The following RAB27B variants were observed in gnomAD, a reference collection of about 807,000 sequenced individuals.
RAB27B encodes the protein RAB27B, member RAS oncogene family.
Under a neutral mutation model 24.6 loss-of-function variants are expected in RAB27B, and 15 were observed. The ratio of observed to expected loss-of-function variants is 0.61; its 90% CI spans 0.41 to 0.94. RAB27B has a LOEUF of 0.94. Among genes scored for constraint, RAB27B ranks in the 40% least tolerant of loss-of-function variants. The pLI is 0.00. For missense variants in RAB27B, 261 were observed against 266.8 expected (o/e 0.98, Z 0.15); for synonymous variants, 105 against 92.5 (o/e 1.14, Z -0.78).
At chr18:54,878,122 G>C (rs989483379) in intron 2 of RAB27B, among the ~76,000 whole-genome samples, 7 of 152,150 alleles carry the variant, frequency 4.6e-5, no homozygotes, top group Admixed American at 6.6e-5. Flanking sequence ...TCTTAAGAAA[G>C]AAGTTAAAAG....
In RAB27B at chr18:54,853,921, CT is replaced by C. The variant is rs1911683371; in HGVS notation, c.-19-23642del. Among the ~76,000 whole-genome samples the C allele has an allele frequency of 2.0e-5, 3 of 152,202 alleles. No individual in the cohort carries two copies. In the South Asian group the frequency reaches 6.2e-4, roughly 32 times the overall value. On this transcript the variant is annotated intron_variant, in intron 1 of 5. Transcript: ENST00000262094. ...TTGTGTAGCTTTTTGCCTGTGGCTT[CT>C]TTTACATCTAGAATCCAGTAATGCC... is the stretch of plus-strand genomic sequence containing the variant.
chr18:54,777,321 G>C (rs900523742), intron 2 of RAB27B, among the ~76,000 whole-genome samples: 1 of 152,192 alleles, frequency 6.6e-6, no homozygotes, highest in Non-Finnish European at 1.5e-5. Flanking sequence ...AGAACTTGCA[G>C]TTCTCTTAGA....
chr18:54,838,615 T>C (rs1353514734), intron 1 of RAB27B, among the ~76,000 whole-genome samples: 1 of 152,162 alleles, frequency 6.6e-6, no homozygotes, highest in Non-Finnish European at 1.5e-5. Flanking sequence ...ATCCATCATT[T>C]GAGACATCTA....
chr18:54,807,401 G>T (rs1300235186), intron 2 of RAB27B, among the ~76,000 whole-genome samples: 1 of 152,086 alleles, frequency 6.6e-6, no homozygotes, highest in African/African-American at 2.4e-5. Flanking sequence ...TTTAGCAGTG[G>T]GCAGAAGTGT....
At chr18:54,869,157 C>T (rs1437199334) in intron 1 of RAB27B, among the ~76,000 whole-genome samples, 4 of 152,140 alleles carry the variant, frequency 2.6e-5, no homozygotes, top group Non-Finnish European at 5.9e-5. Flanking sequence ...TAGCTCTTTG[C>T]TTTCATGTTG....
intron 2 of RAB27B, among the ~76,000 whole-genome samples, chr18:54,728,902 C>CAAAAAAAA (rs1568044214): frequency 2.5e-4 from 10 of 40,592 alleles, no homozygotes; most frequent in Non-Finnish European, 5.4e-4. Flanking sequence ...AAAAAAAAAC[C>CAAAAAAAA]CAAAAAAAAA....
At chr18:54,882,530 A>G (rs887630366) in intron 3 of RAB27B, among the ~76,000 whole-genome samples, 33 of 152,200 alleles carry the variant, frequency 2.2e-4, no homozygotes, top group Non-Finnish European at 4.1e-4. Context: ...CAGTGTTGGG[A>G]AGGCCCCTTC....
rs180875409 is a variant in RAB27B at position 54,810,047 on chromosome 18, A to C, written c.-19-67520A>C. Among the ~76,000 whole-genome samples the C allele has an allele frequency of 5.9e-5, 9 of 152,314 alleles. No homozygotes were observed. In the East Asian group the frequency reaches 1.7e-3, roughly 29 times the overall value. On this transcript the variant is annotated intron_variant, in intron 2 of 4. Transcript: ENST00000586570. ...ACAATTGATCTGAAAATATTATTGA[A>C]AATATACCACATGAGAGCAAGTGAA...
chr18:54,753,604 A>G (rs1361921813), intron 2 of RAB27B, among the ~76,000 whole-genome samples: 3 of 152,214 alleles, frequency 2.0e-5, no homozygotes, highest in African/African-American at 4.8e-5. Context: ...GTGCAGTTCT[A>G]CGCATGATTT....
chr18:54,795,198 C>G (rs143008789), intron 2 of RAB27B, among the ~76,000 whole-genome samples: 1 of 152,298 alleles, frequency 6.6e-6, no homozygotes, highest in Non-Finnish European at 1.5e-5. Context: ...TGAAGTATAG[C>G]TTGAGCCCCC....
chr18:54,797,350 C>T (rs958887117), intron 2 of RAB27B, among the ~76,000 whole-genome samples: 2 of 152,058 alleles, frequency 1.3e-5, no homozygotes, highest in African/African-American at 2.4e-5. Flanking sequence ...CATGGTGATA[C>T]CCTATCTCTA....
intron 4 of RAB27B, 92 bp from the exon 5 acceptor site, chr18:54,887,902 TA>T: frequency 6.9e-7 from 1 of 1,452,898 alleles, no homozygotes; most frequent in South Asian, 1.4e-5. Flanking sequence ...AAACTGGAGA[TA>T]AGCAATTAGA....
intron 2 of RAB27B, among the ~76,000 whole-genome samples, chr18:54,778,876 C>G (rs988699824): frequency 1.3e-4 from 20 of 150,242 alleles, no homozygotes; most frequent in African/African-American, 4.9e-4. Context: ...GAGTCTTACT[C>G]TGTCACCAGG....
chr18:54,799,875 T>C (rs1255667613), intron 2 of RAB27B, among the ~76,000 whole-genome samples: 1 of 152,098 alleles, frequency 6.6e-6, no homozygotes, highest in Non-Finnish European at 1.5e-5. Flanking sequence ...CTTGATCTCC[T>C]GACCTTGTGA....
At chr18:54,824,890 A>G (rs1910424281), upstream of RAB27B, among the ~76,000 whole-genome samples, 3 of 151,442 alleles carry the variant, frequency 2.0e-5, no homozygotes, top group Non-Finnish European at 4.4e-5. Flanking sequence ...GGCCTGCTTC[A>G]CACTTATTGC....
chr18:54,762,551 A>C (rs1319170566), intron 2 of RAB27B, among the ~76,000 whole-genome samples: 1 of 152,194 alleles, frequency 6.6e-6, no homozygotes, highest in East Asian at 1.9e-4. Flanking sequence ...TAAGTTAGGC[A>C]ATCCAAAGCA....
At chr18:54,821,097 T>C (rs1471884655) in intron 2 of RAB27B, among the ~76,000 whole-genome samples, 1 of 152,118 alleles carries the variant, frequency 6.6e-6, no homozygotes, top group Non-Finnish European at 1.5e-5. Flanking sequence ...AGTCAAATTG[T>C]CCCTGTTTGC....
At chr18:54,822,044 T>C (rs1380712759) in intron 2 of RAB27B, among the ~76,000 whole-genome samples, 2 of 152,210 alleles carry the variant, frequency 1.3e-5, no homozygotes, top group Non-Finnish European at 2.9e-5. Flanking sequence ...TGGGCTACCA[T>C]GCCCAGTCAA....
At chr18:54,732,455 G>T (rs1378390982) in intron 2 of RAB27B, among the ~76,000 whole-genome samples, 3 of 152,130 alleles carry the variant, frequency 2.0e-5, no homozygotes, top group Non-Finnish European at 4.4e-5. Context: ...ATTCTAAGTG[G>T]TCAGGTGCAG....
Sources: gnomAD v4.1 joint callset for allele counts (sites outside exome capture counted in the v4.1 genomes callset) on GRCh38, gnomAD v4.1.1 for gene constraint, MANE v1.5 for transcripts, NCBI Gene and HGNC (gene_info 2026-07-23, HGNC 2026-07-21) for gene names.